MICAL3: variants seen among roughly 807,000 people sequenced by gnomAD.
MICAL3 encodes the protein [F-actin]-monooxygenase MICAL3.
In MICAL3, 62 loss-of-function variants were observed where a neutral mutation model predicts 207.4. The observed-to-expected ratio is 0.30, with a 90% CI of 0.24 to 0.37. The LOEUF is 0.37. MICAL3 is among the 10% of genes least tolerant of loss of function. The pLI is 1.00. For missense variants in MICAL3, 2,368 were observed against 2,635.6 expected, an observed-to-expected ratio of 0.90 and a Z score of 2.22; for synonymous variants, 1,077 against 1,069.3, an observed-to-expected ratio of 1.01 and a Z score of -0.14.
In MICAL3 at chr22:17,816,797, G is replaced by A. The variant is rs745629277; in HGVS notation, c.5351-13C>T. Reference sequence around the variant, plus strand: ...CGGAGCTGCAGCTCTGTGGAGAGAGGGAGGCCACGTGAGGACAGCGCCAGA... The same window carrying A: ...CGGAGCTGCAGCTCTGTGGAGAGAGAGAGGCCACGTGAGGACAGCGCCAGA... On this transcript the variant is annotated splice_polypyrimidine_tract_variant and intron_variant, in intron 26 of 31. Coordinates refer to ENST00000441493, the MANE Select transcript of MICAL3 (RefSeq NM_015241.3). The A allele has an allele frequency of 7.1e-6, 11 of 1,544,880 alleles. No homozygotes were observed. The highest frequency in any genetic ancestry group is 9.6e-6 in the Non-Finnish European group (11 of 1,143,160).
intron 15 of MICAL3, 36 bp from the exon 16 acceptor site, chr22:17,886,087 G>A (rs1929844374): frequency 5.0e-6 from 8 of 1,608,720 alleles, no homozygotes; most frequent in Non-Finnish European, 5.9e-6. Context: ...CCGGCGCTGT[G>A]ACAGGAGGCT....
intron 1 of MICAL3, among the ~76,000 whole-genome samples, chr22:17,941,493 A>G (rs530413027): frequency 8.1e-4 from 123 of 152,294 alleles, no homozygotes; most frequent in Middle Eastern, 3.4e-3. Context: ...CCAGGAGACA[A>G]GGGGTCCCCT....
intron 22 of MICAL3, among the ~76,000 whole-genome samples, chr22:17,825,658 G>C (rs1922100722): frequency 1.3e-5 from 2 of 152,242 alleles, no homozygotes; most frequent in Admixed American, 6.5e-5. Flanking sequence ...CGCTAGGACA[G>C]TGGTGCTGTT....
chr22:17,894,968 G>C (rs1249029426), intron 10 of MICAL3, among the ~76,000 whole-genome samples: 4 of 152,120 alleles, frequency 2.6e-5, no homozygotes, highest in African/African-American at 9.7e-5. Flanking sequence ...CAACACAGGT[G>C]GAAGTTACCT....
In MICAL3 at chr22:17,816,201, C is replaced by A. The variant is rs930353759; in HGVS notation, c.5445+489G>T. 2.0e-5 allele frequency among the ~76,000 whole-genome samples: 3 copies of A among 152,238 alleles called. No individual in the cohort carries two copies. In the South Asian group the frequency reaches 6.2e-4, roughly 32 times the overall value. On this transcript the variant is annotated intron_variant, in intron 27 of 31. Coordinates refer to ENST00000441493, the MANE Select transcript of MICAL3 (RefSeq NM_015241.3). ...GGCTGAGTCAGACCTAGCAGCCCTGCAGGTCAGTTCCTGGACCAGTCCTTT... is the reference window on the plus strand; with the variant it reads ...GGCTGAGTCAGACCTAGCAGCCCTGAAGGTCAGTTCCTGGACCAGTCCTTT...
At chr22:17,866,790 G>T (rs185690045) in intron 17 of MICAL3, among the ~76,000 whole-genome samples, 2 of 152,222 alleles carry the variant, frequency 1.3e-5, no homozygotes, top group African/African-American at 2.4e-5. Context: ...GGGGGGTGTC[G>T]TCAGAAAAAT....
intron 10 of MICAL3, among the ~76,000 whole-genome samples, chr22:17,894,884 G>C (rs1930695222): frequency 6.6e-6 from 1 of 152,020 alleles, no homozygotes; most frequent in Admixed American, 6.5e-5. Flanking sequence ...TGAGTAGTCA[G>C]GGATTATTAT....
intron 19 of MICAL3, chr22:17,864,252 T>C (rs2146137995): frequency 1.9e-6 from 2 of 1,034,262 alleles, no homozygotes; most frequent in South Asian, 4.1e-5. Context: ...GAAGTGGTCA[T>C]GAAAGTGGGA....
At chr22:17,989,522 C>T (rs1236361755) in intron 1 of MICAL3, among the ~76,000 whole-genome samples, 1 of 152,122 alleles carries the variant, frequency 6.6e-6, no homozygotes, top group Non-Finnish European at 1.5e-5. Flanking sequence ...CCTGGCCAGG[C>T]TGGCCTCCTC....
intron 11 of MICAL3, 119 bp from the exon 12 acceptor site, chr22:17,891,751 T>C: frequency 1.2e-6 from 1 of 850,520 alleles, no homozygotes; most frequent in Non-Finnish European, 1.9e-6. Context: ...GACGAAACAG[T>C]CAACACTAGT....
chr22:18,004,839 C>T (rs1331797097), intron 1 of MICAL3: 2 of 152,220 alleles, frequency 1.3e-5, no homozygotes, highest in Non-Finnish European at 2.9e-5. Context: ...CATAACTCCA[C>T]AACGCAATAC....
intron 1 of MICAL3, among the ~76,000 whole-genome samples, chr22:17,927,529 T>C (rs1442374689): frequency 2.6e-5 from 4 of 152,162 alleles, no homozygotes; most frequent in Non-Finnish European, 5.9e-5. Flanking sequence ...AGGCTAACCT[T>C]GGGGCTGCAG....
At chr22:17,873,057 G>T (rs922924821) in intron 16 of MICAL3, among the ~76,000 whole-genome samples, 1 of 152,204 alleles carries the variant, frequency 6.6e-6, no homozygotes, top group African/African-American at 2.4e-5. Context: ...GTCCACGCAG[G>T]GGTACCGGCA....
chr22:17,945,712 C>T lies in MICAL3; in HGVS notation c.-74-38826G>A, dbSNP rs551051568. Among the ~76,000 whole-genome samples the T allele has an allele frequency of 7.9e-5, 12 of 152,264 alleles. 1 individual carries two copies. In the South Asian group the frequency reaches 2.5e-3, roughly 32 times the overall value. On this transcript the variant is annotated intron_variant, in intron 1 of 31. Coordinates refer to ENST00000441493, the MANE Select transcript of MICAL3 (RefSeq NM_015241.3). Reference sequence around the variant, plus strand: ...TTCCACCAGGCACCTCCCTCCCCCACCCAGAATGCCTTCCAGTCTAGCCTC... The same window carrying T: ...TTCCACCAGGCACCTCCCTCCCCCATCCAGAATGCCTTCCAGTCTAGCCTC...
In MICAL3 at chr22:17,862,971, C is replaced by T. The variant is rs557635760; in HGVS notation, c.2605+1928G>A. ...TTCTGGCTCAGAATCAAGAACCACG[C>T]GGACAGAGACGTCCTCAGGGCTCTG... On this transcript the variant is annotated intron_variant, in intron 19 of 31. Coordinates refer to ENST00000441493, the MANE Select transcript of MICAL3 (RefSeq NM_015241.3). The T allele has an allele frequency of 4.7e-4, 461 of 985,406 alleles. 3 individuals carry two copies. The highest frequency in any genetic ancestry group is 4.0e-3 in the African/African-American group (232 of 57,326). 61.0% of individuals were successfully genotyped at this position (985,406 alleles called of 1,614,324 possible).
intron 1 of MICAL3, among the ~76,000 whole-genome samples, chr22:17,972,747 C>T (rs1288007235): frequency 6.6e-6 from 1 of 152,064 alleles, no homozygotes; most frequent in Non-Finnish European, 1.5e-5. Context: ...AAATTAAGTG[C>T]CAAGGAGGGA....
chr22:17,842,430 G>A (rs1383129358), intron 19 of MICAL3: 4 of 185,804 alleles, frequency 2.2e-5, no homozygotes, highest in Non-Finnish European at 4.6e-5. Flanking sequence ...GCCCCCACCA[G>A]GTGCCTCCCC....
At chr22:17,802,205 G>A (rs2061947829) in intron 29 of MICAL3, among the ~76,000 whole-genome samples, 1 of 152,034 alleles carries the variant, frequency 6.6e-6, no homozygotes, top group South Asian at 2.1e-4. Context: ...TGGAACTACA[G>A]GCACGTGCCA....
chr22:17,902,774 T>C lies in MICAL3; in HGVS notation c.473-27A>G. On this transcript the variant is annotated intron_variant, in intron 3 of 31. Coordinates refer to ENST00000441493, the MANE Select transcript of MICAL3 (RefSeq NM_015241.3). The surrounding 1 kb of genome is among the most constrained non-coding windows in gnomAD (Gnocchi z 4.5). ...TGGGAGAATACAGAGATGACGTTGA[T>C]GGGAACACATGGAGAAGGGGGTACC... 7.2e-7 allele frequency: 1 copy of C among 1,392,500 alleles called. No individual in the cohort carries two copies. Among genetic ancestry groups the C allele is most frequent in the East Asian group, 2.4e-5 (1 of 41,484 alleles). The allele number at this position is 1,392,500 out of a possible 1,614,324, so 86.3% of individuals were successfully genotyped here.
Sources: gnomAD v4.1 joint callset for allele counts (sites outside exome capture counted in the v4.1 genomes callset) on GRCh38, gnomAD v4.1.1 for gene constraint, Gnocchi (gnomAD v3.1) non-coding constraint, MANE v1.5 for transcripts, NCBI Gene and HGNC (gene_info 2026-07-23, HGNC 2026-07-21) for gene names.